Variants in GRID2 observed in about 807,000 individuals in gnomAD.
GRID2 encodes the protein glutamate receptor ionotropic, delta-2.
A neutral mutation model predicts 114.8 loss-of-function variants in GRID2; 33 were observed. The observed-to-expected ratio is 0.29, with a 90% CI of 0.22 to 0.38. GRID2 has a LOEUF of 0.38. Ranked by LOEUF, GRID2 falls within the 10% of genes least tolerant of loss-of-function variation. The probability of loss-of-function intolerance (pLI) is 1.00; values close to 1 mark genes in which losing one functional copy is unlikely to be tolerated. For synonymous variants in GRID2, 505 were observed against 449.9 expected, an observed-to-expected ratio of 1.12 and a Z score of -1.55; for missense variants, 1,184 against 1,257.7, an observed-to-expected ratio of 0.94 and a Z score of 0.89.
At chr4:92,956,417 C>T (rs1204947215) in intron 2 of GRID2, among the ~76,000 whole-genome samples, 1 of 152,144 alleles carries the variant, frequency 6.6e-6, no homozygotes, top group East Asian at 1.9e-4. Context: ...CTTGAAACGA[C>T]TAGCCTTACT....
At chr4:92,685,139 A>G (rs1733838298) in intron 2 of GRID2, among the ~76,000 whole-genome samples, 1 of 152,072 alleles carries the variant, frequency 6.6e-6, no homozygotes, top group Admixed American at 6.6e-5. Flanking sequence ...TAATTGTTAA[A>G]ATTTAATTTT....
intron 1 of GRID2, among the ~76,000 whole-genome samples, chr4:92,379,158 A>G (rs1729498213): frequency 6.6e-6 from 1 of 151,952 alleles, no homozygotes; most frequent in Admixed American, 6.6e-5. Context: ...TTAAACATGT[A>G]CTTGTATGAT....
At chr4:92,433,646 C>T (rs1002380439) in intron 1 of GRID2, among the ~76,000 whole-genome samples, 1 of 152,166 alleles carries the variant, frequency 6.6e-6, no homozygotes, top group Non-Finnish European at 1.5e-5. Context: ...TTTCCACCCC[C>T]TTCAGTGCCT....
intron 2 of GRID2, among the ~76,000 whole-genome samples, chr4:92,728,726 C>A (rs188092577): frequency 4.1e-4 from 62 of 151,928 alleles, no homozygotes; most frequent in African/African-American, 1.4e-3. Flanking sequence ...TGTATGATTC[C>A]AAGTCCAAGA....
At chr4:92,694,177 C>G (rs774961988) in intron 2 of GRID2, among the ~76,000 whole-genome samples, 1 of 152,148 alleles carries the variant, frequency 6.6e-6, no homozygotes, top group Non-Finnish European at 1.5e-5. Flanking sequence ...CATTTATTAT[C>G]GGATTGGGAA....
chr4:92,334,703 C>T (rs181003669), intron 1 of GRID2, among the ~76,000 whole-genome samples: 1 of 152,244 alleles, frequency 6.6e-6, no homozygotes, highest in Admixed American at 6.5e-5. Context: ...TCCCACCACT[C>T]AACACTACTA....
At chr4:92,617,697 A>C (rs1410472026) in intron 2 of GRID2, among the ~76,000 whole-genome samples, 1 of 151,696 alleles carries the variant, frequency 6.6e-6, no homozygotes, top group Non-Finnish European at 1.5e-5. Flanking sequence ...GATAATAGCC[A>C]TTAAAACTAC....
chr4:93,784,071 CAAAA>C (rs70942993), intron 1 of GRID2, among the ~76,000 whole-genome samples: 5 of 38,988 alleles, frequency 1.3e-4, no homozygotes, highest in South Asian at 1.7e-3. Flanking sequence ...GACTCCGTCT[CAAAA>C]AAAAAAAAAA....
chr4:92,616,442 A>G (rs1228249423), intron 2 of GRID2, among the ~76,000 whole-genome samples: 1 of 151,304 alleles, frequency 6.6e-6, no homozygotes, highest in East Asian at 1.9e-4. Flanking sequence ...TTTGACTATG[A>G]TCTGTCTAGG....
chr4:92,824,336 G>A (rs758102469), intron 2 of GRID2, among the ~76,000 whole-genome samples: 1 of 152,176 alleles, frequency 6.6e-6, no homozygotes, highest in East Asian at 1.9e-4. Flanking sequence ...AGTCTCTGCT[G>A]TGTAGTAGCT....
intron 2 of GRID2, among the ~76,000 whole-genome samples, chr4:92,604,747 G>T (rs1472747357): frequency 6.6e-6 from 1 of 152,036 alleles, no homozygotes; most frequent in Non-Finnish European, 1.5e-5. Flanking sequence ...CAGGCTTTAT[G>T]TCAAACCACT....
intron 10 of GRID2, among the ~76,000 whole-genome samples, chr4:93,455,132 C>A (rs1178198348): frequency 6.6e-6 from 1 of 152,024 alleles, no homozygotes; most frequent in African/African-American, 2.4e-5. Context: ...GCATATGACA[C>A]CTTAGTGCTA....
intron 13 of GRID2, among the ~76,000 whole-genome samples, chr4:93,564,366 G>T (rs771770305): frequency 2.0e-5 from 3 of 151,738 alleles, no homozygotes; most frequent in Non-Finnish European, 4.4e-5. Context: ...TAGCTTGAAA[G>T]GTTTATTCCA....
chr4:93,070,134 T>C (rs369729907), intron 2 of GRID2, among the ~76,000 whole-genome samples: 1 of 152,110 alleles, frequency 6.6e-6, no homozygotes, highest in Non-Finnish European at 1.5e-5. Flanking sequence ...ACTTGCACAA[T>C]ACTACTTATA....
intron 2 of GRID2, among the ~76,000 whole-genome samples, chr4:92,778,718 C>T (rs1489428320): frequency 6.6e-6 from 1 of 151,986 alleles, no homozygotes; most frequent in Non-Finnish European, 1.5e-5. Flanking sequence ...CAGGTATGAA[C>T]ATTGAGCGCA....
chr4:92,746,299 A>G (rs565840259), intron 2 of GRID2, among the ~76,000 whole-genome samples: 126 of 152,278 alleles, frequency 8.3e-4, no homozygotes, highest in African/African-American at 2.8e-3. Flanking sequence ...CACACTACAC[A>G]TAGCATATAA....
chr4:92,306,048 C>A (rs899938908), intron 1 of GRID2, among the ~76,000 whole-genome samples: 39 of 152,314 alleles, frequency 2.6e-4, no homozygotes, highest in African/African-American at 9.1e-4. Context: ...CACGCACGTA[C>A]ACATACTCCT....
intron 2 of GRID2, among the ~76,000 whole-genome samples, chr4:92,865,697 G>T (rs889954093): frequency 6.6e-6 from 1 of 152,128 alleles, no homozygotes; most frequent in East Asian, 1.9e-4. Context: ...ATAAGATCCC[G>T]TGTGTTTTTC....
chr4:93,310,368 A>T (rs1755883209), intron 8 of GRID2, among the ~76,000 whole-genome samples: 1 of 151,954 alleles, frequency 6.6e-6, no homozygotes, highest in Admixed American at 6.6e-5. Flanking sequence ...AAAAACAAAC[A>T]CACACACAAA....
Sources: allele counts gnomAD v4.1 joint callset (sites outside exome capture counted in the v4.1 genomes callset), GRCh38; gene constraint gnomAD v4.1.1; transcripts MANE v1.5; gene names NCBI Gene and HGNC (gene_info 2026-07-23, HGNC 2026-07-21).